The following TAB2 variants were observed in gnomAD, a reference collection of about 807,000 sequenced individuals.
TAB2 encodes TGF-beta-activated kinase 1 and MAP3K7-binding protein 2.
Under a neutral mutation model 65.0 loss-of-function variants are expected in TAB2, and 3 were observed. That is an observed-to-expected ratio of 0.05 (90% CI 0.02 to 0.12). The LOEUF (loss-of-function observed/expected upper bound fraction) is 0.12. Among genes scored for constraint, TAB2 ranks in the 10% least tolerant of loss-of-function variants. The pLI is 1.00. For synonymous variants in TAB2, 298 were observed against 285.1 expected (o/e 1.05, Z -0.46); for missense variants, 623 against 840.3 (o/e 0.74, Z 3.20).
intron 1 of TAB2, among the ~76,000 whole-genome samples, chr6:149,327,732 G>T (rs958902929): frequency 6.6e-6 from 1 of 152,162 alleles, no homozygotes; most frequent in South Asian, 2.1e-4. Context: ...CTTGACTAAA[G>T]TACTGCTTGC....
intron 1 of TAB2, among the ~76,000 whole-genome samples, chr6:149,286,219 C>T (rs1209849982): frequency 1.3e-5 from 2 of 152,084 alleles, no homozygotes; most frequent in African/African-American, 2.4e-5. Flanking sequence ...GAAGAAATTC[C>T]AGTTGGTATC....
chr6:149,409,903 G>T lies in TAB2; in HGVS notation c.*184G>T. On this transcript the variant is annotated 3_prime_UTR_variant, in exon 7 of 7. Transcript: ENST00000637181. ...ATACCTCAGTATAATGTCATGAGCAGTTGAAATTCATCACATGAAAAGTAA... is the reference window on the plus strand; with the variant it reads ...ATACCTCAGTATAATGTCATGAGCATTTGAAATTCATCACATGAAAAGTAA... The T allele has an allele frequency of 1.5e-6, 1 of 684,084 alleles. No individual in the cohort carries two copies. The highest frequency in any genetic ancestry group is 2.7e-5 in the East Asian group (1 of 36,510). 42.4% of individuals were successfully genotyped at this position (684,084 alleles called of 1,614,324 possible).
chr6:149,223,499 C>G (rs550465154), intron 1 of TAB2, among the ~76,000 whole-genome samples: 24 of 152,260 alleles, frequency 1.6e-4, no homozygotes, highest in African/African-American at 5.5e-4. Context: ...GAGTATGATC[C>G]AGATTCCCGG....
rs560694936 is a variant in TAB2, at chr6:149,408,928, A to G, written c.1940-649A>G. ...AGCAAAGTATTCAGGAATTAGTAGC[A>G]GAGCCTGGAACAGAACTCCATTCTC... On this transcript the variant is annotated intron_variant, in intron 6 of 6. Transcript: ENST00000637181. Among the ~76,000 whole-genome samples, 39 of 152,356 alleles carry G rather than the reference A, an allele frequency of 2.6e-4. 1 individual carries two copies. The highest frequency in any genetic ancestry group is 2.2e-3 in the Admixed American group (34 of 15,304).
At chr6:149,390,224 T>C (rs930695449) in intron 3 of TAB2, among the ~76,000 whole-genome samples, 2 of 152,206 alleles carry the variant, frequency 1.3e-5, no homozygotes, top group African/African-American at 2.4e-5. Context: ...CATTGTACTT[T>C]CCTAGGTACA....
intron 3 of TAB2, among the ~76,000 whole-genome samples, chr6:149,389,245 C>T (rs1418135304): frequency 6.6e-6 from 1 of 152,062 alleles, no homozygotes; most frequent in African/African-American, 2.4e-5. Flanking sequence ...TGAGCCACTG[C>T]ACCCAGCCCC....
At chr6:149,252,944 G>C (rs1392282586) in intron 1 of TAB2, 1 of 152,370 alleles carries the variant, frequency 6.6e-6, no homozygotes, top group Non-Finnish European at 1.5e-5. Context: ...GAGATTTACA[G>C]GGAGCAGAGG....
Position 149,317,718 on chromosome 6 carries a change from T to G in TAB2, c.-387T>G, listed in dbSNP as rs1686476767. On this transcript the variant is annotated 5_prime_UTR_variant, in exon 1 of 7. Transcript: ENST00000637181. The surrounding 1 kb of genome is among the most constrained non-coding windows in gnomAD (Gnocchi z 4.7). ...GCGGCGACGCCGCCCAGCCGTCGTT[T>G]TTGATCTGCTGCAGCCGCCGGCGGG... The G allele has an allele frequency of 6.3e-6, 1 of 157,766 alleles. No individual in the cohort carries two copies. The highest frequency in any genetic ancestry group is 1.4e-5 in the Non-Finnish European group (1 of 71,584). 9.8% of individuals were successfully genotyped at this position (157,766 alleles called of 1,614,324 possible).
chr6:149,222,691 T>C (rs1199757960), intron 1 of TAB2, among the ~76,000 whole-genome samples: 2 of 152,158 alleles, frequency 1.3e-5, no homozygotes, highest in Non-Finnish European at 2.9e-5. Context: ...TGGAGATCCC[T>C]GGCTAATACA....
At chr6:149,267,342 C>T (rs1778282249) in intron 1 of TAB2, among the ~76,000 whole-genome samples, 1 of 152,206 alleles carries the variant, frequency 6.6e-6, no homozygotes, top group Non-Finnish European at 1.5e-5. Context: ...CAGAACACAA[C>T]AAGGATCCAG....
intron 6 of TAB2, chr6:149,400,733 C>T: frequency 1.3e-6 from 2 of 1,566,794 alleles, no homozygotes; most frequent in Non-Finnish European, 1.7e-6. Context: ...ACCAAGATTA[C>T]TGCATTCTCA....
intron 1 of TAB2, among the ~76,000 whole-genome samples, chr6:149,266,025 A>G (rs773163825): frequency 2.6e-5 from 4 of 152,140 alleles, no homozygotes; most frequent in Admixed American, 6.5e-5. Context: ...AAATGTTACC[A>G]CCCTCAGAAT....
At chr6:149,348,503 T>C (rs923505703) in intron 1 of TAB2, among the ~76,000 whole-genome samples, 4 of 151,954 alleles carry the variant, frequency 2.6e-5, no homozygotes, top group African/African-American at 9.7e-5. Context: ...TGCCGTCCTA[T>C]TTGGCATCCT....
intron 1 of TAB2, among the ~76,000 whole-genome samples, chr6:149,364,477 G>A (rs1283697527): frequency 6.6e-6 from 1 of 152,010 alleles, no homozygotes; most frequent in Admixed American, 6.6e-5. Context: ...GAGTGCAGAA[G>A]ACGCAGACAG....
intron 1 of TAB2, among the ~76,000 whole-genome samples, chr6:149,335,192 T>G (rs1242519740): frequency 1.3e-5 from 2 of 151,990 alleles, no homozygotes; most frequent in Non-Finnish European, 2.9e-5. Context: ...TTTGGTCCGT[T>G]TCCCCAGGGA....
At chr6:149,308,920 A>C (rs1185860587) in intron 1 of TAB2, among the ~76,000 whole-genome samples, 1 of 152,032 alleles carries the variant, frequency 6.6e-6, no homozygotes, top group Non-Finnish European at 1.5e-5. Flanking sequence ...ATTAACTCTT[A>C]GTTTCTGTAG....
chr6:149,339,140 C>T (rs767717919), intron 1 of TAB2, among the ~76,000 whole-genome samples: 6 of 152,002 alleles, frequency 3.9e-5, no homozygotes, highest in Non-Finnish European at 7.4e-5. Context: ...CCGAGACGGG[C>T]GGATCATGAG....
intron 1 of TAB2, among the ~76,000 whole-genome samples, chr6:149,275,061 G>A (rs1401320250): frequency 6.6e-6 from 1 of 151,616 alleles, no homozygotes; most frequent in East Asian, 1.9e-4. Context: ...ACAAAGAACT[G>A]GAGGTGTGGA....
At chr6:149,328,265 C>T (rs953577525) in intron 1 of TAB2, among the ~76,000 whole-genome samples, 5 of 152,168 alleles carry the variant, frequency 3.3e-5, no homozygotes, top group Non-Finnish European at 7.3e-5. Context: ...TCTTGCCTTA[C>T]TCATTCTTCT....
Sources: allele counts gnomAD v4.1 joint callset (sites outside exome capture counted in the v4.1 genomes callset), GRCh38; gene constraint gnomAD v4.1.1; non-coding constraint Gnocchi (gnomAD v3.1); transcripts MANE v1.5; gene names NCBI Gene and HGNC (gene_info 2026-07-23, HGNC 2026-07-21).